Variants in LVRN observed in about 807,000 individuals in gnomAD.
LVRN encodes the protein laeverin, also known as aminopeptidase Q.
In LVRN, 99 loss-of-function variants were observed where a neutral mutation model predicts 111.4. That is an observed-to-expected ratio of 0.89 (90% CI 0.76 to 1.05). The LOEUF is 1.05. LVRN is among the 50% of genes least tolerant of loss of function. LVRN has a pLI of 0.00. For missense variants in LVRN, 1,414 were observed against 1,206.8 expected (o/e 1.17, Z -2.54); for synonymous variants, 488 against 449.5 (o/e 1.09, Z -1.08).
Position 116,026,126 on chromosome 5 carries a change from C to A in LVRN, c.*8C>A, listed in dbSNP as rs199748390. The A allele has an allele frequency of 5.5e-4, 881 of 1,613,554 alleles. 3 individuals are homozygous for A. In the Middle Eastern group the frequency reaches 5.8e-3, roughly 11 times the overall value. ...CTAAGGAGAAACACATAGCTTGTGG[C>A]TATCTTTCAGCACTCCTCTTGCATA... On this transcript the variant is annotated 3_prime_UTR_variant, in exon 20 of 20. Coordinates refer to ENST00000357872, the MANE Select transcript of LVRN (RefSeq NM_173800.5).
At chr5:115,989,265 C>G (rs1747931915) in intron 4 of LVRN, among the ~76,000 whole-genome samples, 1 of 152,180 alleles carries the variant, frequency 6.6e-6, no homozygotes, top group African/African-American at 2.4e-5. Context: ...ACCAACCTCT[C>G]AGGGCTTTTG....
rs1748233869 is a variant in LVRN, at chr5:116,001,292, C to G, written c.1820+53C>G. ...CACCTTCCTTGGGGTTGAGCTCTGA[C>G]CCAATGGAATCCAGCCTGTGGGTGA... On this transcript the variant is annotated intron_variant, in intron 10 of 19. Coordinates refer to ENST00000357872, the MANE Select transcript of LVRN (RefSeq NM_173800.5). The G allele has an allele frequency of 2.5e-6, 4 of 1,584,204 alleles. No individual in the cohort carries two copies. The African/African-American group carries it at 4.1e-5, about 16-fold the overall frequency.
chr5:116,015,972 A>G (rs927855768), intron 18 of LVRN, among the ~76,000 whole-genome samples: 2 of 152,200 alleles, frequency 1.3e-5, no homozygotes, highest in Non-Finnish European at 2.9e-5. Flanking sequence ...ACTTTTAACT[A>G]TGGCTTGAAT....
intron 4 of LVRN, among the ~76,000 whole-genome samples, chr5:115,989,581 G>T (rs1367829412): frequency 6.6e-6 from 1 of 152,032 alleles, no homozygotes; most frequent in Non-Finnish European, 1.5e-5. Flanking sequence ...CTTTTTCTTT[G>T]TGCCTCTAGA....
rs1748196564 is a variant in LVRN at position 115,999,771 on chromosome 5, T to C, written c.1384T>C (p.Phe462Leu). 1 of 1,613,048 alleles carries C rather than the reference T, an allele frequency of 6.2e-7. No individual in the cohort carries two copies. Among genetic ancestry groups the C allele is most frequent in the Non-Finnish European group, 8.5e-7 (1 of 1,179,536 alleles). The change falls in exon 7 of 20, where the codon TTT becomes CTT. Residue 462 changes from phenylalanine to leucine, a missense_variant. Physicochemically the swap from Phe to Leu is conservative, Grantham distance 22 (BLOSUM62 0). Transcript: ENST00000357872. ...FNPKLPRNEI[F>L]FSNILHNILR... ...ATCTTTTCCTTTATAGAATGAGATC[T>C]TTTTTTCTAACATTTTACATAATAT...
intron 13 of LVRN, among the ~76,000 whole-genome samples, chr5:116,009,299 T>G (rs951740734): frequency 2.0e-5 from 3 of 152,210 alleles, no homozygotes; most frequent in Non-Finnish European, 4.4e-5. Flanking sequence ...TTACTGCTCA[T>G]TGATGATGCA....
At chr5:115,994,249 CTA>C (rs561862035) in intron 6 of LVRN, among the ~76,000 whole-genome samples, 2 of 151,606 alleles carry the variant, frequency 1.3e-5, no homozygotes, top group Non-Finnish European at 2.9e-5. Flanking sequence ...GCTATATAGA[CTA>C]TATATATATA....
At position 115,996,341 on chromosome 5, in the gene LVRN, G is replaced by A. The variant is rs955516185; in HGVS notation, c.1374+2487G>A. On this transcript the variant is annotated intron_variant, in intron 6 of 19. Transcript: ENST00000357872. ...ATATTTTTGAAGCTAAGATTACAAC[G>A]TTAGTCTCTTTTTGTACCTTTTAAT... Among the ~76,000 whole-genome samples the A allele has an allele frequency of 2.0e-5, 3 of 152,068 alleles. 1 individual carries two copies. Among genetic ancestry groups the A allele is most frequent in the African/African-American group, 7.2e-5 (3 of 41,410 alleles).
chr5:115,993,686 T>C, intron 5 of LVRN, 55 bp from the exon 6 acceptor site: 2 of 1,174,262 alleles, frequency 1.7e-6, no homozygotes, highest in Non-Finnish European at 2.5e-6. Context: ...TTACAACGAA[T>C]ATAACTTAAA....
At chr5:115,964,278 C>T (rs539198608) in intron 1 of LVRN, among the ~76,000 whole-genome samples, 1 of 152,322 alleles carries the variant, frequency 6.6e-6, no homozygotes, top group Admixed American at 6.5e-5. Flanking sequence ...AGAAAATGTT[C>T]TCAGATGTTC....
intron 6 of LVRN, among the ~76,000 whole-genome samples, chr5:115,998,698 T>C (rs539000366): frequency 6.6e-5 from 10 of 152,254 alleles, no homozygotes; most frequent in African/African-American, 2.4e-4. Flanking sequence ...ATCAGCATCA[T>C]TGGGTAGTTT....
At chr5:115,985,901 C>G (rs1487414933) in intron 3 of LVRN, among the ~76,000 whole-genome samples, 1 of 152,230 alleles carries the variant, frequency 6.6e-6, no homozygotes, top group African/African-American at 2.4e-5. Flanking sequence ...CTATAGCTCG[C>G]TAACATACTC....
In LVRN at chr5:115,975,006, C is replaced by G. The variant is rs191772346; in HGVS notation, c.696-8281C>G. ...ACTTTGTCTCTGGGTGAAATAAGAT[C>G]TAGAAAACTTTGGATATAAATTCAT... On this transcript the variant is annotated intron_variant, in intron 1 of 19. Coordinates refer to ENST00000357872, the MANE Select transcript of LVRN (RefSeq NM_173800.5). 14 of 358,312 alleles carry G rather than the reference C, an allele frequency of 3.9e-5. No homozygotes were observed. In the Admixed American group the frequency reaches 5.0e-4, roughly 13 times the overall value. The allele number at this position is 358,312 out of a possible 1,614,324, so 22.2% of individuals were successfully genotyped here. A position where few individuals can be genotyped will look rare whatever the true frequency, so the allele number is the denominator to read the frequency against.
intron 1 of LVRN, among the ~76,000 whole-genome samples, chr5:115,966,169 A>G (rs1753198040): frequency 1.3e-5 from 2 of 152,202 alleles, no homozygotes; most frequent in African/African-American, 4.8e-5. Context: ...AAAGATACAG[A>G]ACTGTTCCAC....
intron 12 of LVRN, 83 bp downstream of exon 12, chr5:116,003,463 A>ATCTCTTCCCACC: frequency 4.3e-6 from 4 of 937,328 alleles, no homozygotes; most frequent in Non-Finnish European, 5.9e-6. Flanking sequence ...TTCTGGTGGG[A>ATCTCTTCCCACC]AGAGATTCCA....
chr5:115,975,895 T>TA lies in LVRN; in HGVS notation c.696-7386dup, dbSNP rs1035744519. 23 of 159,986 alleles carry TA rather than the reference T, an allele frequency of 1.4e-4. 1 individual carries two copies. The highest frequency in any genetic ancestry group is 5.3e-4 in the African/African-American group (22 of 41,474). 9.9% of individuals were successfully genotyped at this position (159,986 alleles called of 1,614,324 possible). A position where few individuals can be genotyped will look rare whatever the true frequency, so the allele number is the denominator to read the frequency against. The stretch of plus-strand genomic sequence containing the variant: ...GTGTTCTGAATTGTAATTTGTTTTT[T>TA]AAAAAACACATTTATCTATTACTAC... On this transcript the variant is annotated intron_variant, in intron 1 of 19. Coordinates refer to ENST00000357872, the MANE Select transcript of LVRN (RefSeq NM_173800.5).
chr5:115,971,484 A>T (rs1309250816), intron 1 of LVRN, among the ~76,000 whole-genome samples: 2 of 152,046 alleles, frequency 1.3e-5, no homozygotes, highest in African/African-American at 4.8e-5. Flanking sequence ...ATTTTGAGTT[A>T]ATTTTTGCAT....
At chr5:115,990,344 C>T (rs1297421030) in intron 4 of LVRN, among the ~76,000 whole-genome samples, 1 of 152,006 alleles carries the variant, frequency 6.6e-6, no homozygotes, top group Non-Finnish European at 1.5e-5. Flanking sequence ...TTTTAATTTT[C>T]AATTTTTGAT....
rs1420309508 is a variant in LVRN, at chr5:116,012,378, A to G, written c.2252A>G (p.Tyr751Cys). 1 of 1,436,384 alleles carries G rather than the reference A, an allele frequency of 7.0e-7. No individual in the cohort carries two copies. Among genetic ancestry groups the G allele is most frequent in the Non-Finnish European group, 9.7e-7 (1 of 1,033,062 alleles). 89.0% of individuals were successfully genotyped at this position (1,436,384 alleles called of 1,614,324 possible). ...IYDIYSLLKR[Y>C]LLKRLNLIWN... ...TATTTTCTTTATTGTTTATAGAGGT[A>G]CCTATTAAAGAGACTTAATTTAATA... Residue 751 changes from tyrosine (Y) to cysteine (C), a missense_variant, in exon 15 of 20, where the codon TAC (tyrosine) becomes TGC (cysteine). Tyr to Cys is a radical substitution (Grantham distance 194). Coordinates refer to ENST00000357872, the MANE Select transcript of LVRN (RefSeq NM_173800.5).
Sources: gnomAD v4.1 joint callset for allele counts (sites outside exome capture counted in the v4.1 genomes callset) on GRCh38, gnomAD v4.1.1 for gene constraint, MANE v1.5 for transcripts, NCBI Gene and HGNC (gene_info 2026-07-23, HGNC 2026-07-21) for gene names.